Variants in NAALADL2 observed in about 807,000 individuals in gnomAD.
NAALADL2 encodes inactive N-acetylated-alpha-linked acidic dipeptidase-like protein 2.
Under a neutral mutation model 87.2 loss-of-function variants are expected in NAALADL2, and 76 were observed. That is an observed-to-expected ratio of 0.87 (90% CI 0.72 to 1.05). NAALADL2 has a LOEUF of 1.05. Ranked by LOEUF, NAALADL2 falls within the 50% of genes least tolerant of loss-of-function variation. The probability of loss-of-function intolerance (pLI) is 0.00; values close to 1 mark genes in which losing one functional copy is unlikely to be tolerated. For synonymous variants in NAALADL2, 354 were observed against 331.0 expected, an observed-to-expected ratio of 1.07 and a Z score of -0.75; for missense variants, 1,089 against 945.8, an observed-to-expected ratio of 1.15 and a Z score of -1.99.
At chr3:175,554,003 C>T (rs913560546) in intron 9 of NAALADL2, among the ~76,000 whole-genome samples, 1 of 151,960 alleles carries the variant, frequency 6.6e-6, no homozygotes, top group Non-Finnish European at 1.5e-5. Flanking sequence ...AAAATTTAAG[C>T]AAGGTGACAT....
intron 1 of NAALADL2, among the ~76,000 whole-genome samples, chr3:174,952,372 G>A (rs1346071866): frequency 1.3e-5 from 2 of 152,024 alleles, no homozygotes; most frequent in Non-Finnish European, 2.9e-5. Context: ...ATAATTCTCA[G>A]ACTGCAGCTC....
chr3:174,782,313 G>T (rs1315577507), intron 3 of NAALADL2, among the ~76,000 whole-genome samples: 2 of 152,112 alleles, frequency 1.3e-5, no homozygotes, highest in African/African-American at 4.8e-5. Flanking sequence ...TAGTATATGT[G>T]TGTTTTAATA....
intron 10 of NAALADL2, among the ~76,000 whole-genome samples, chr3:175,590,605 G>A (rs1276810755): frequency 1.3e-5 from 2 of 152,086 alleles, no homozygotes; most frequent in African/African-American, 4.8e-5. Context: ...AATTTTGGAG[G>A]CTAAACTTCA....
At chr3:175,099,534 A>G (rs1238612331) in intron 2 of NAALADL2, among the ~76,000 whole-genome samples, 1 of 152,208 alleles carries the variant, frequency 6.6e-6, no homozygotes, top group African/African-American at 2.4e-5. Flanking sequence ...CTCAATTGTC[A>G]TCCTAACCAC....
Position 175,690,456 on chromosome 3 carries a change from C to T in NAALADL2, c.1897-46850C>T, listed in dbSNP as rs371052724. 1.1e-4 allele frequency among the ~76,000 whole-genome samples: 17 copies of T among 152,128 alleles called. 1 individual carries two copies. In the East Asian group the frequency reaches 2.3e-3, roughly 21 times the overall value. The stretch of plus-strand genomic sequence containing the variant: ...TGATAAAGATGTTAATTTAAGATCA[C>T]TCCAAATTTTATTGTTTCTGCTTTT... On this transcript the variant is annotated intron_variant, in intron 11 of 13. Transcript: ENST00000454872.
intron 5 of NAALADL2, among the ~76,000 whole-genome samples, chr3:175,430,338 T>C (rs2149159585): frequency 6.6e-6 from 1 of 152,052 alleles, no homozygotes; most frequent in South Asian, 2.1e-4. Context: ...TGTTAACCTA[T>C]ATATGTGTGT....
chr3:175,783,488 C>T (rs1039702511), intron 13 of NAALADL2, among the ~76,000 whole-genome samples: 1 of 151,652 alleles, frequency 6.6e-6, no homozygotes, highest in African/African-American at 2.4e-5. Flanking sequence ...GGAGTTCACT[C>T]ATGATTTGGC....
At chr3:174,754,385 T>A (rs549144883) in intron 3 of NAALADL2, among the ~76,000 whole-genome samples, 1 of 152,218 alleles carries the variant, frequency 6.6e-6, no homozygotes, top group Admixed American at 6.5e-5. Flanking sequence ...TCTTAGAAAT[T>A]CATTATTTTT....
At chr3:175,125,205 T>C (rs1726766124) in intron 2 of NAALADL2, among the ~76,000 whole-genome samples, 1 of 151,946 alleles carries the variant, frequency 6.6e-6, no homozygotes, top group Non-Finnish European at 1.5e-5. Flanking sequence ...AAATGGATGG[T>C]TTAATTTCAA....
At chr3:175,514,540 T>C (rs1044813534) in intron 9 of NAALADL2, among the ~76,000 whole-genome samples, 1 of 152,176 alleles carries the variant, frequency 6.6e-6, no homozygotes, top group Non-Finnish European at 1.5e-5. Context: ...CAAATTTGGA[T>C]TTGTGATCTC....
At chr3:174,834,622 T>C (rs1003264287) in intron 3 of NAALADL2, among the ~76,000 whole-genome samples, 1 of 151,940 alleles carries the variant, frequency 6.6e-6, no homozygotes, top group African/African-American at 2.4e-5. Context: ...AAGTTTAATA[T>C]ATAAAAAGTC....
chr3:174,676,897 T>A lies in NAALADL2; in HGVS notation c.-114-60744T>A, dbSNP rs1046079099. Reference sequence around the variant, plus strand: ...TATAGAAATGAATAATGAACTGAATTTAATAATTATATCATTGCTGTTACT... The same window carrying A: ...TATAGAAATGAATAATGAACTGAATATAATAATTATATCATTGCTGTTACT... On this transcript the variant is annotated intron_variant, in intron 2 of 3. Coordinates refer to the NAALADL2 transcript ENST00000434257. 5.3e-5 allele frequency among the ~76,000 whole-genome samples: 8 copies of A among 152,122 alleles called. No individual in the cohort carries two copies. The East Asian group carries it at 1.5e-3, about 29-fold the overall frequency.
At chr3:175,186,919 A>G (rs1440249580) in intron 2 of NAALADL2, among the ~76,000 whole-genome samples, 2 of 151,762 alleles carry the variant, frequency 1.3e-5, no homozygotes, top group East Asian at 3.9e-4. Context: ...AATAATAATA[A>G]TTTTCCTCAT....
intron 2 of NAALADL2, among the ~76,000 whole-genome samples, chr3:174,636,053 AT>A (rs1180721181): frequency 4.6e-5 from 7 of 152,046 alleles, no homozygotes; most frequent in African/African-American, 9.6e-5. Flanking sequence ...TGCAAGTGTT[AT>A]TTTTTTTCCA....
rs116423693 is a variant in NAALADL2, at chr3:174,635,266, C to G, written c.-115+84629C>G. 7.0e-3 allele frequency among the ~76,000 whole-genome samples: 1,066 copies of G among 152,168 alleles called. 13 individuals carry two copies. The highest frequency in any genetic ancestry group is 0.024 in the African/African-American group (1,011 of 41,504). On this transcript the variant is annotated intron_variant, in intron 2 of 3. Transcript: ENST00000434257. The stretch of plus-strand genomic sequence containing the variant: ...GACCATCTGTTATTAACCTAAGTGG[C>G]TAATTTTAGAGTACTTAATCATTAC...
chr3:174,821,642 C>A (rs1579071694), intron 3 of NAALADL2, among the ~76,000 whole-genome samples: 1 of 152,186 alleles, frequency 6.6e-6, no homozygotes, highest in Non-Finnish European at 1.5e-5. Flanking sequence ...AGAGTTCTGA[C>A]TTCCCAGAGG....
At chr3:174,882,807 A>G (rs1467069637) in intron 1 of NAALADL2, among the ~76,000 whole-genome samples, 2 of 103,544 alleles carry the variant, frequency 1.9e-5, no homozygotes, top group Non-Finnish European at 3.7e-5. Flanking sequence ...ACGTGTGTAT[A>G]TGTGCATATG....
At chr3:175,226,846 G>A (rs1418815141) in intron 2 of NAALADL2, among the ~76,000 whole-genome samples, 1 of 151,952 alleles carries the variant, frequency 6.6e-6, no homozygotes, top group East Asian at 1.9e-4. Flanking sequence ...AGTTTATCAT[G>A]TGTTTTAATC....
chr3:175,343,401 T>C (rs1245433757), intron 5 of NAALADL2, among the ~76,000 whole-genome samples: 1 of 152,212 alleles, frequency 6.6e-6, no homozygotes, highest in East Asian at 1.9e-4. Flanking sequence ...ACAAATTATA[T>C]GTAGTAATTA....
Sources: gnomAD v4.1 joint callset for allele counts (sites outside exome capture counted in the v4.1 genomes callset) on GRCh38, gnomAD v4.1.1 for gene constraint, MANE v1.5 for transcripts, NCBI Gene and HGNC (gene_info 2026-07-23, HGNC 2026-07-21) for gene names.